Variants in OPHN1 observed in about 807,000 individuals in gnomAD.
OPHN1 encodes oligophrenin-1.
A neutral mutation model predicts 60.7 loss-of-function variants in OPHN1; 11 were observed. That is an observed-to-expected ratio of 0.18 (90% CI 0.11 to 0.30). The LOEUF (loss-of-function observed/expected upper bound fraction) is 0.30, where lower values mean the gene tolerates loss of function less well. Ranked by LOEUF, OPHN1 falls within the 10% of genes least tolerant of loss-of-function variation. The pLI, the probability that OPHN1 is intolerant of heterozygous loss-of-function variation, is 1.00. For missense variants in OPHN1, 449 were observed against 611.0 expected (o/e 0.73, Z 2.80); for synonymous variants, 226 against 222.6 (o/e 1.02, Z -0.14).
At chrX:68,269,491 G>A (rs984730946) in intron 5 of OPHN1, among the ~76,000 whole-genome samples, 3 of 111,613 alleles carry the variant, frequency 2.7e-5, no homozygotes, top group African/African-American at 6.5e-5. Flanking sequence ...ATGGGGAAAC[G>A]ATTCCCTATT....
At position 68,302,277 on chromosome X, in the gene OPHN1, G is replaced by C. The variant is rs183064217; in HGVS notation, c.155-3181C>G. 3.1e-4 allele frequency among the ~76,000 whole-genome samples: 35 copies of C among 111,981 alleles called. No individual in the cohort carries two copies. The East Asian group carries it at 9.3e-3, about 30-fold the overall frequency. On this transcript the variant is annotated intron_variant, in intron 2 of 24. Coordinates refer to ENST00000355520, the MANE Select transcript of OPHN1 (RefSeq NM_002547.3). ...GTAAATTGGTAAGTATACATAACCC[G>C]AGTGCCACATTTAGCTAAAAATAAA...
Position 68,283,102 on chromosome X carries a change from T to C in OPHN1, c.266A>G (p.Glu89Gly). Residue 89 changes from glutamate (E) to glycine (G), a missense_variant, in exon 4 of 25, where the codon GAA becomes GGA. Physicochemically the swap from Glu to Gly is moderately conservative, Grantham distance 98. Around this residue, in one of 4 missense-constraint regions of OPHN1, gnomAD observed 99 missense variants for 155.2 expected, o/e 0.64. Transcript: ENST00000355520. The stretch of plus-strand genomic sequence containing the variant: ...TACCTCGTTGAGCAATTCAGCAAAT[T>C]CCTTGAAGGATTCAGCTGGAAGGAG... ...DEINIAESFK[E>G]FAELLNEVEN... 1 of 1,204,537 alleles carries C rather than the reference T, an allele frequency of 8.3e-7. No homozygotes were observed. The highest frequency in any genetic ancestry group is 1.1e-6 in the Non-Finnish European group (1 of 889,159).
At chrX:68,212,835 T>C (rs1328768698) in intron 7 of OPHN1, among the ~76,000 whole-genome samples, 1 of 112,396 alleles carries the variant, frequency 8.9e-6, no homozygotes, top group Non-Finnish European at 1.9e-5. Flanking sequence ...CTTTCCTCTA[T>C]ATATCCTCAG....
At chrX:68,394,005 C>T (rs111438431) in intron 2 of OPHN1, among the ~76,000 whole-genome samples, 1,216 of 101,330 alleles carry the variant, frequency 0.012, 20 homozygotes, top group African/African-American at 0.041. Context: ...ACGCCATTCT[C>T]CTGCCTCAGC....
At chrX:68,115,406 T>C (rs2147436390) in intron 16 of OPHN1, among the ~76,000 whole-genome samples, 1 of 112,188 alleles carries the variant, frequency 8.9e-6, no homozygotes, top group African/African-American at 3.2e-5. Flanking sequence ...TATAGTAAAA[T>C]GAGCAGAGAG....
intron 2 of OPHN1, among the ~76,000 whole-genome samples, chrX:68,411,590 T>C (rs1371790061): frequency 8.9e-6 from 1 of 112,168 alleles, no homozygotes; most frequent in East Asian, 2.8e-4. Context: ...GTCAGTCGTG[T>C]CCTTTATACA....
intron 15 of OPHN1, among the ~76,000 whole-genome samples, chrX:68,161,824 C>T (rs771684415): frequency 9.0e-6 from 1 of 111,135 alleles, no homozygotes; most frequent in African/African-American, 3.2e-5. Context: ...CAGCAATAAA[C>T]GTCCATAAAC....
intron 20 of OPHN1, among the ~76,000 whole-genome samples, chrX:68,065,697 G>A (rs1602132955): frequency 9.0e-6 from 1 of 111,423 alleles, no homozygotes; most frequent in Non-Finnish European, 1.9e-5. Flanking sequence ...AAAGAATACC[G>A]GTCTCATGAG....
intron 2 of OPHN1, among the ~76,000 whole-genome samples, chrX:68,327,261 AC>A (rs1308385807): frequency 1.9e-4 from 1 of 5,351 alleles, no homozygotes; most frequent in Admixed American, 2.0e-3. Context: ...CCCGGCCACG[AC>A]CCCGTCTGGG....
chrX:68,344,504 C>T (rs2078369674), intron 2 of OPHN1, among the ~76,000 whole-genome samples: 1 of 109,711 alleles, frequency 9.1e-6, no homozygotes, highest in Non-Finnish European at 1.9e-5. Flanking sequence ...CCCAGCTACT[C>T]AGGAGGCTGA....
intron 2 of OPHN1, among the ~76,000 whole-genome samples, chrX:68,382,420 A>ACCATGTAC (rs765471388): frequency 8.9e-6 from 1 of 111,925 alleles, no homozygotes; most frequent in African/African-American, 3.2e-5. Flanking sequence ...TCTAGGATTC[A>ACCATGTAC]CCATGTACAA....
At chrX:68,259,229 T>A (rs1454410821) in intron 5 of OPHN1, among the ~76,000 whole-genome samples, 2 of 111,168 alleles carry the variant, frequency 1.8e-5, no homozygotes, top group Non-Finnish European at 3.8e-5. Flanking sequence ...GGCTGGAGGA[T>A]CACTTGAGAC....
chrX:68,376,475 A>C (rs1434368670), intron 2 of OPHN1, among the ~76,000 whole-genome samples: 1 of 111,062 alleles, frequency 9.0e-6, no homozygotes. Context: ...TAGGAAACAG[A>C]GATAAAGAAA....
In OPHN1 at chrX:68,044,510, C is replaced by A. The variant is rs1260353492; in HGVS notation, c.*2662G>T. 8.9e-6 allele frequency: 1 copy of A among 112,590 alleles called. No individual in the cohort carries two copies. Among genetic ancestry groups the A allele is most frequent in the East Asian group, 2.8e-4 (1 of 3,597 alleles). 9.3% of individuals were successfully genotyped at this position (112,590 alleles called of 1,213,427 possible). On this transcript the variant is annotated 3_prime_UTR_variant, in exon 25 of 25. Coordinates refer to ENST00000355520, the MANE Select transcript of OPHN1 (RefSeq NM_002547.3). ...CTTTCAGTTCATCCATTGCCAGATT[C>A]TCTAACTTGCTGGCCAAGGTATGTT...
intron 19 of OPHN1, among the ~76,000 whole-genome samples, chrX:68,073,702 C>T (rs1393889481): frequency 9.0e-6 from 1 of 111,562 alleles, no homozygotes; most frequent in Non-Finnish European, 1.9e-5. Flanking sequence ...TGTCAAGGTG[C>T]CTTCTATGGG....
chrX:68,370,747 G>A (rs993624668), intron 2 of OPHN1, among the ~76,000 whole-genome samples: 1 of 111,656 alleles, frequency 9.0e-6, no homozygotes, highest in Non-Finnish European at 1.9e-5. Context: ...CAGGAGAGGG[G>A]ACAGAGCTGT....
At position 68,047,835 on chromosome X, in the gene OPHN1, G is replaced by A. The variant is rs778856939; in HGVS notation, c.*8+581C>T. Among the ~76,000 whole-genome samples the A allele has an allele frequency of 7.1e-5, 8 of 112,184 alleles. No individual in the cohort carries two copies. In the South Asian group the frequency reaches 1.5e-3, roughly 21 times the overall value. On this transcript the variant is annotated intron_variant, in intron 24 of 24. Transcript: ENST00000355520. ...ATTATCCTCCCTTCTCCTGGCATGT[G>A]ATATGCATCAAATGAAATAATGAAT...
intron 19 of OPHN1, among the ~76,000 whole-genome samples, chrX:68,087,956 G>T (rs769689578): frequency 8.9e-6 from 1 of 112,054 alleles, no homozygotes; most frequent in East Asian, 2.8e-4. Context: ...AAAGTATCAC[G>T]TCTGTTGTTA....
chrX:68,184,197 G>A (rs7065939), intron 15 of OPHN1, among the ~76,000 whole-genome samples: 24,643 of 110,809 alleles, frequency 0.22, 2,464 homozygotes, highest in African/African-American at 0.35. Flanking sequence ...AAGTATAATA[G>A]TAATAAAAAA....
Sources: gnomAD v4.1 joint callset for allele counts (sites outside exome capture counted in the v4.1 genomes callset) on GRCh38, gnomAD v4.1.1 for gene constraint, gnomAD v4.1.1 regional missense constraint, MANE v1.5 for transcripts, NCBI Gene and HGNC (gene_info 2026-07-23, HGNC 2026-07-21) for gene names.